ZFHX3: variants seen among roughly 807,000 people sequenced by gnomAD.
ZFHX3 encodes zinc finger homeobox protein 3.
ZFHX3 carries 42 observed loss-of-function variants against 279.1 expected under a neutral mutation model. The ratio of observed to expected loss-of-function variants is 0.15; its 90% CI spans 0.12 to 0.19. The LOEUF is 0.19. Ranked by LOEUF, ZFHX3 falls within the 10% of genes least tolerant of loss-of-function variation. ZFHX3 has a pLI of 1.00. For synonymous variants in ZFHX3, 2,293 were observed against 1,957.8 expected (o/e 1.17, Z -4.52); for missense variants, 4,981 against 4,754.0 (o/e 1.05, Z -1.40).
chr16:73,583,697 C>T (rs923721220), intron 2 of ZFHX3, among the ~76,000 whole-genome samples: 2 of 152,142 alleles, frequency 1.3e-5, no homozygotes, highest in Non-Finnish European at 2.9e-5. Context: ...TTCTATCATG[C>T]TTAATTCAAT....
At chr16:73,863,267 G>A (rs145685849) in intron 1 of ZFHX3, among the ~76,000 whole-genome samples, 7 of 152,174 alleles carry the variant, frequency 4.6e-5, no homozygotes, top group Non-Finnish European at 8.8e-5. Flanking sequence ...GAGGAATGGG[G>A]TATTGAAAGT....
chr16:73,763,492 T>C (rs530323978), intron 1 of ZFHX3, among the ~76,000 whole-genome samples: 1 of 152,326 alleles, frequency 6.6e-6, no homozygotes, highest in East Asian at 1.9e-4. Flanking sequence ...TTCCTGTTCC[T>C]TTCACCACAT....
chr16:73,733,369 A>G (rs1567564943), intron 1 of ZFHX3, among the ~76,000 whole-genome samples: 2 of 152,348 alleles, frequency 1.3e-5, no homozygotes, highest in African/African-American at 4.8e-5. Context: ...TCTATCAGCC[A>G]TGACTTTTCA....
At chr16:73,696,504 C>T (rs2053198961) in intron 1 of ZFHX3, among the ~76,000 whole-genome samples, 1 of 152,198 alleles carries the variant, frequency 6.6e-6, no homozygotes, top group Admixed American at 6.5e-5. Context: ...AAGAGCCATA[C>T]ATAAAAGATA....
intron 1 of ZFHX3, among the ~76,000 whole-genome samples, chr16:72,967,241 T>G (rs1306025198): frequency 6.6e-6 from 1 of 152,216 alleles, no homozygotes; most frequent in South Asian, 2.1e-4. Context: ...CTTGGAGACA[T>G]GGCCAATTCT....
chr16:72,806,745 T>C (rs2036278411), intron 7 of ZFHX3, among the ~76,000 whole-genome samples: 1 of 151,964 alleles, frequency 6.6e-6, no homozygotes. Context: ...TCAAAAGAGA[T>C]ACCGAGAAAA....
intron 1 of ZFHX3, among the ~76,000 whole-genome samples, chr16:73,836,885 T>C (rs773068318): frequency 2.0e-5 from 3 of 152,196 alleles, no homozygotes; most frequent in Non-Finnish European, 4.4e-5. Flanking sequence ...TGGGTTGTTA[T>C]AAAGTGAGGT....
At position 73,523,625 on chromosome 16, in the gene ZFHX3, T is replaced by G. The variant is rs1415221569; in HGVS notation, c.-1546-67367A>C. Among the ~76,000 whole-genome samples, 5 of 133,034 alleles carry G rather than the reference T, an allele frequency of 3.8e-5. No homozygotes were observed. The East Asian group carries it at 2.2e-3, about 57-fold the overall frequency. The allele number at this position is 133,034 out of a possible 152,430, so 87.3% of individuals were successfully genotyped here. A position where few individuals can be genotyped will look rare whatever the true frequency, so the allele number is the denominator to read the frequency against. ...GGGGCAGGGAATGGAAGCTGGGTTT[T>G]TTTTTTTTTTTTCATATGTATATTC... On this transcript the variant is annotated intron_variant, in intron 2 of 17. Coordinates refer to the ZFHX3 transcript ENST00000641206.
At position 72,788,755 on chromosome 16, in the gene ZFHX3, G is replaced by T. The variant is rs749923418; in HGVS notation, c.9521C>A (p.Ser3174Tyr). ...LPTSGLPNKPSSASLSSPTPA... is the reference protein window; with the variant it reads ...LPTSGLPNKPYSASLSSPTPA... ...GGTTGGGGAGCTCAGCGACGCTGAG[G>T]ACGGTTTATTTGGTAATCCAGAAGT... The change falls in exon 10 of 10, where the codon TCC becomes TAC. Residue 3174 changes from serine (S) to tyrosine (Y), a missense_variant. This residue lies in a region of ZFHX3 where 1,034 missense variants were observed against 786.0 expected (regional missense o/e 1.32). Transcript: ENST00000268489. 2 of 1,578,846 alleles carry T rather than the reference G, an allele frequency of 1.3e-6. No individual in the cohort carries two copies. The highest frequency in any genetic ancestry group is 2.4e-5 in the South Asian group (2 of 84,274).
At chr16:72,992,866 A>G (rs554309826) in intron 1 of ZFHX3, among the ~76,000 whole-genome samples, 21 of 152,342 alleles carry the variant, frequency 1.4e-4, no homozygotes, top group African/African-American at 5.1e-4. Flanking sequence ...GCCAGGCGCG[A>G]TGGCCCCTGC....
At chr16:73,079,778 T>C (rs1965925048) in intron 8 of ZFHX3, among the ~76,000 whole-genome samples, 2 of 152,228 alleles carry the variant, frequency 1.3e-5, no homozygotes, top group African/African-American at 4.8e-5. Flanking sequence ...CCCAATTTCC[T>C]GAAGAATCAT....
chr16:73,799,622 C>T (rs1223695024), intron 1 of ZFHX3, among the ~76,000 whole-genome samples: 1 of 152,156 alleles, frequency 6.6e-6, no homozygotes, highest in African/African-American at 2.4e-5. Context: ...AAAGCCTTCC[C>T]CTGCTTCCTC....
intron 7 of ZFHX3, among the ~76,000 whole-genome samples, chr16:73,094,286 T>C (rs1027978721): frequency 6.6e-6 from 1 of 152,242 alleles, no homozygotes; most frequent in African/African-American, 2.4e-5. Context: ...TTTAGAGATC[T>C]GAACAGTAAG....
chr16:73,068,760 G>A (rs997217690), intron 8 of ZFHX3, among the ~76,000 whole-genome samples: 27 of 152,244 alleles, frequency 1.8e-4, no homozygotes, highest in African/African-American at 6.3e-4. Flanking sequence ...AATAAGAGCA[G>A]GCAGAGACAG....
At chr16:73,367,645 T>A (rs1355667151) in intron 3 of ZFHX3, among the ~76,000 whole-genome samples, 2 of 152,186 alleles carry the variant, frequency 1.3e-5, no homozygotes, top group African/African-American at 4.8e-5. Context: ...GACTTAAGGA[T>A]TACAGGTGCT....
At chr16:72,908,541 G>C (rs537427074) in intron 3 of ZFHX3, among the ~76,000 whole-genome samples, 2 of 152,270 alleles carry the variant, frequency 1.3e-5, no homozygotes, top group East Asian at 3.9e-4. Flanking sequence ...TTGATCGTCC[G>C]TTCACTTACC....
At chr16:73,572,995 G>C (rs559860558) in intron 2 of ZFHX3, among the ~76,000 whole-genome samples, 1 of 152,092 alleles carries the variant, frequency 6.6e-6, no homozygotes, top group Non-Finnish European at 1.5e-5. Flanking sequence ...TTCATTATCG[G>C]AACAGCTTTC....
chr16:73,501,289 G>C (rs1222208795), intron 2 of ZFHX3, among the ~76,000 whole-genome samples: 1 of 152,146 alleles, frequency 6.6e-6, no homozygotes, highest in Non-Finnish European at 1.5e-5. Flanking sequence ...GATGAATGAG[G>C]CATTTCTTAG....
chr16:72,910,061 G>C (rs1050486602), intron 3 of ZFHX3, among the ~76,000 whole-genome samples: 1 of 152,064 alleles, frequency 6.6e-6, no homozygotes, highest in Admixed American at 6.5e-5. Flanking sequence ...TTTCTCGTCA[G>C]TGTGCTCAGT....
Sources: gnomAD v4.1 joint callset for allele counts (sites outside exome capture counted in the v4.1 genomes callset) on GRCh38, gnomAD v4.1.1 for gene constraint, gnomAD v4.1.1 regional missense constraint, MANE v1.5 for transcripts, NCBI Gene and HGNC (gene_info 2026-07-23, HGNC 2026-07-21) for gene names.